The following CNTN5 variants were observed in gnomAD, a reference collection of about 807,000 sequenced individuals.
CNTN5 encodes contactin-5.
In CNTN5, 77 loss-of-function variants were observed where a neutral mutation model predicts 129.1. The observed-to-expected ratio is 0.60, with a 90% CI of 0.50 to 0.72. The LOEUF (loss-of-function observed/expected upper bound fraction) is 0.72. Among genes scored for constraint, CNTN5 ranks in the 30% least tolerant of loss-of-function variants. The pLI is 0.00. For missense variants in CNTN5, 1,478 were observed against 1,328.8 expected (o/e 1.11, Z -1.75); for synonymous variants, 509 against 465.6 (o/e 1.09, Z -1.20).
chr11:99,121,704 A>C (rs981432178), intron 1 of CNTN5, among the ~76,000 whole-genome samples: 8 of 152,170 alleles, frequency 5.3e-5, no homozygotes, highest in African/African-American at 1.7e-4. Context: ...GAAACACCAG[A>C]GGTGGTATCC....
chr11:99,628,110 C>A (rs969888758), intron 3 of CNTN5, among the ~76,000 whole-genome samples: 1 of 151,776 alleles, frequency 6.6e-6, no homozygotes, highest in East Asian at 1.9e-4. Flanking sequence ...TTAAAAGGAG[C>A]AATTAGAGTA....
chr11:99,942,400 A>T (rs903535455), intron 7 of CNTN5, among the ~76,000 whole-genome samples: 6 of 151,958 alleles, frequency 3.9e-5, no homozygotes, highest in Non-Finnish European at 8.8e-5. Flanking sequence ...AAAAGGGGGA[A>T]TATTAATATT....
intron 1 of CNTN5, among the ~76,000 whole-genome samples, chr11:99,076,146 C>T (rs990871247): frequency 6.6e-6 from 1 of 151,902 alleles, no homozygotes; most frequent in African/African-American, 2.4e-5. Flanking sequence ...CCAACCTGAC[C>T]AGCATGGTGA....
intron 1 of CNTN5, among the ~76,000 whole-genome samples, chr11:99,159,734 T>C (rs550755616): frequency 6.6e-6 from 1 of 152,304 alleles, no homozygotes; most frequent in African/African-American, 2.4e-5. Flanking sequence ...AAAAATTCAA[T>C]GGCATAAGGG....
chr11:99,909,741 C>A (rs536996620), intron 6 of CNTN5, among the ~76,000 whole-genome samples: 6 of 151,446 alleles, frequency 4.0e-5, no homozygotes, highest in African/African-American at 1.2e-4. Context: ...TGTTCTCACT[C>A]ATAGGTGGGA....
At position 100,350,886 on chromosome 11, in the gene CNTN5, G is replaced by T; in HGVS notation, c.3199+16G>T. The T allele has an allele frequency of 6.6e-7, 1 of 1,525,424 alleles. No individual in the cohort carries two copies. The highest frequency in any genetic ancestry group is 1.3e-5 in the South Asian group (1 of 77,360). 94.5% of individuals were successfully genotyped at this position (1,525,424 alleles called of 1,614,324 possible). A position where few individuals can be genotyped will look rare whatever the true frequency, so the allele number is the denominator to read the frequency against. Reference sequence around the variant, plus strand: ...TCATATTCAGGTAAGTTTTGACACAGTAGATTTAATTTGCTGACAACCAAC... The same window carrying T: ...TCATATTCAGGTAAGTTTTGACACATTAGATTTAATTTGCTGACAACCAAC... On this transcript the variant is annotated intron_variant, in intron 24 of 24. Coordinates refer to ENST00000524871, the MANE Select transcript of CNTN5 (RefSeq NM_014361.4).
At chr11:100,043,813 T>C (rs1942503769) in intron 9 of CNTN5, among the ~76,000 whole-genome samples, 2 of 151,938 alleles carry the variant, frequency 1.3e-5, no homozygotes, top group African/African-American at 4.8e-5. Flanking sequence ...TCTCCTTCTG[T>C]ATTTGGATCA....
chr11:99,031,195 CA>C (rs1212793731), intron 1 of CNTN5, among the ~76,000 whole-genome samples: 1 of 152,014 alleles, frequency 6.6e-6, no homozygotes, highest in East Asian at 1.9e-4. Flanking sequence ...AGCTTGCAAA[CA>C]TTTTACAATT....
At chr11:99,850,607 C>T (rs1472973728) in intron 6 of CNTN5, among the ~76,000 whole-genome samples, 7 of 152,048 alleles carry the variant, frequency 4.6e-5, no homozygotes, top group Middle Eastern at 3.4e-3. Flanking sequence ...TTACCTCTTT[C>T]GAAAGGTGAT....
chr11:99,210,384 G>A (rs992467476), intron 1 of CNTN5, among the ~76,000 whole-genome samples: 3 of 151,994 alleles, frequency 2.0e-5, no homozygotes, highest in South Asian at 2.1e-4. Flanking sequence ...AGGTCATTTA[G>A]TTGGGGAAAG....
intron 20 of CNTN5, among the ~76,000 whole-genome samples, chr11:100,307,975 C>T (rs1951391233): frequency 1.3e-5 from 2 of 151,420 alleles, no homozygotes; most frequent in Admixed American, 6.6e-5. Flanking sequence ...AAATAAATAG[C>T]TAAATAAATG....
intron 1 of CNTN5, among the ~76,000 whole-genome samples, chr11:99,321,389 T>G (rs1865565116): frequency 6.6e-6 from 1 of 150,702 alleles, no homozygotes; most frequent in South Asian, 2.1e-4. Flanking sequence ...AGAGAGGACT[T>G]AAATGTATTC....
chr11:99,449,166 C>T (rs1405703798), intron 2 of CNTN5, among the ~76,000 whole-genome samples: 1 of 152,150 alleles, frequency 6.6e-6, no homozygotes, highest in Non-Finnish European at 1.5e-5. Flanking sequence ...TAAAAAACTA[C>T]TCGTTTCTTT....
chr11:99,869,467 T>A (rs1438550268), intron 6 of CNTN5, among the ~76,000 whole-genome samples: 2 of 152,210 alleles, frequency 1.3e-5, no homozygotes, highest in African/African-American at 4.8e-5. Flanking sequence ...GAAACTGGTA[T>A]AATTTTAAAC....
At chr11:99,294,022 CT>C (rs1052607956) in intron 1 of CNTN5, among the ~76,000 whole-genome samples, 1 of 151,270 alleles carries the variant, frequency 6.6e-6, no homozygotes. Flanking sequence ...TATTTGAAGT[CT>C]TTTTTTATAC....
intron 3 of CNTN5, among the ~76,000 whole-genome samples, chr11:99,745,235 A>T (rs1181448427): frequency 6.6e-6 from 1 of 152,210 alleles, no homozygotes; most frequent in African/African-American, 2.4e-5. Flanking sequence ...GAATTGAAGA[A>T]AAGAAGGTAC....
At chr11:99,691,174 A>G (rs752304269) in intron 3 of CNTN5, among the ~76,000 whole-genome samples, 56 of 148,678 alleles carry the variant, frequency 3.8e-4, no homozygotes, top group Non-Finnish European at 7.3e-4. Flanking sequence ...CTTGCAGTCT[A>G]TCTTAATTTT....
chr11:99,715,799 T>A (rs1207328616), intron 3 of CNTN5, among the ~76,000 whole-genome samples: 1 of 152,026 alleles, frequency 6.6e-6, no homozygotes. Flanking sequence ...TTCTTCATAT[T>A]CATGAATTAT....
intron 1 of CNTN5, among the ~76,000 whole-genome samples, chr11:99,027,687 A>G: frequency 6.6e-6 from 1 of 151,726 alleles, no homozygotes; most frequent in East Asian, 1.9e-4. Flanking sequence ...GATAAAACAT[A>G]AAATTACCAT....
Sources: gnomAD v4.1 joint callset for allele counts (sites outside exome capture counted in the v4.1 genomes callset) on GRCh38, gnomAD v4.1.1 for gene constraint, MANE v1.5 for transcripts, NCBI Gene and HGNC (gene_info 2026-07-23, HGNC 2026-07-21) for gene names.